TRDMT1: variants seen among roughly 807,000 people sequenced by gnomAD.
The protein encoded by TRDMT1 is tRNA aspartic acid methyltransferase 1.
Under a neutral mutation model 51.2 loss-of-function variants are expected in TRDMT1, and 49 were observed. That is an observed-to-expected ratio of 0.96 (90% confidence interval 0.76 to 1.21). The LOEUF (loss-of-function observed/expected upper bound fraction) is 1.21. Ranked by LOEUF, TRDMT1 falls within the 50% of genes most tolerant of loss-of-function variation. TRDMT1 has a pLI of 0.00. For synonymous variants in TRDMT1, 187 were observed against 164.6 expected, an observed-to-expected ratio of 1.14 and a Z score of -1.04; for missense variants, 534 against 462.3, an observed-to-expected ratio of 1.16 and a Z score of -1.42.
chr10:17,188,320 G>A (rs904887549), intron 1 of TRDMT1, among the ~76,000 whole-genome samples: 5 of 152,014 alleles, frequency 3.3e-5, no homozygotes, highest in African/African-American at 4.8e-5. Flanking sequence ...ACTACTGAAC[G>A]GGACAATGCT....
At chr10:17,172,209 A>G (rs972361652) in intron 2 of TRDMT1, among the ~76,000 whole-genome samples, 1 of 152,214 alleles carries the variant, frequency 6.6e-6, no homozygotes, top group Admixed American at 6.5e-5. Context: ...AAAATCTTAA[A>G]TGTAGACAAA....
intron 10 of TRDMT1, chr10:17,150,560 T>C: frequency 1.0e-6 from 1 of 985,338 alleles, no homozygotes; most frequent in Non-Finnish European, 1.2e-6. Flanking sequence ...TAATGTTAGT[T>C]ATAATGGCAG....
chr10:17,151,399 AC>A, intron 10 of TRDMT1: 1 of 981,698 alleles, frequency 1.0e-6, no homozygotes, highest in Non-Finnish European at 1.2e-6. Flanking sequence ...AATACACACC[AC>A]CAGTCACAGA....
intron 1 of TRDMT1, among the ~76,000 whole-genome samples, chr10:17,192,424 C>A (rs1458988850): frequency 6.6e-6 from 1 of 152,186 alleles, no homozygotes; most frequent in Non-Finnish European, 1.5e-5. Flanking sequence ...AAAGTTCGTC[C>A]AAATTATGAA....
rs893195984 is a variant in TRDMT1, at chr10:17,157,599, T to C, written c.729A>G (p.Gln243=). The change falls in exon 8 of 11, where the codon CAA becomes CAG. Residue 243 remains glutamine, a synonymous_variant. Transcript: ENST00000377799. The stretch of plus-strand genomic sequence containing the variant: ...TTTTCACAGAGAGATCACTATCTTG[T>C]TGATTTTTCCTGTGAATTTCTTCTG... The part of the protein sequence containing the change: ...ETAEEIHRKN[Q]QDSDLSVKML... The C allele has an allele frequency of 6.2e-7, 1 of 1,614,036 alleles. No individual in the cohort carries two copies. The highest frequency in any genetic ancestry group is 8.5e-7 in the Non-Finnish European group (1 of 1,179,938).
chr10:17,182,875 T>C (rs1004175864), intron 1 of TRDMT1, among the ~76,000 whole-genome samples: 15 of 152,302 alleles, frequency 9.8e-5, no homozygotes, highest in African/African-American at 3.1e-4. Context: ...GATAAACATA[T>C]AAAAGATGCC....
At position 17,141,874 on chromosome 10, in the gene TRDMT1, A is replaced by T. The variant is rs1404030010; in HGVS notation, c.*7166T>A. ...AATTAAATTTCTGAAAATAAAGTTAATGTAACAGACAAAATGTCCAGGATC... is the reference window on the plus strand; with the variant it reads ...AATTAAATTTCTGAAAATAAAGTTATTGTAACAGACAAAATGTCCAGGATC... On this transcript the variant is annotated 3_prime_UTR_variant, in exon 11 of 11. Transcript: ENST00000377799. Among the ~76,000 whole-genome samples the T allele has an allele frequency of 5.3e-5, 8 of 152,270 alleles. No homozygotes were observed. The highest frequency in any genetic ancestry group is 5.2e-4 in the Admixed American group (8 of 15,288).
chr10:17,152,384 TC>T (rs1194118013), intron 10 of TRDMT1, among the ~76,000 whole-genome samples: 2 of 152,300 alleles, frequency 1.3e-5, no homozygotes, highest in African/African-American at 4.8e-5. Flanking sequence ...GGCAGTTTGT[TC>T]CCTATGTACA....
At position 17,168,856 on chromosome 10, in the gene TRDMT1, C is replaced by T. The variant is rs1372356727; in HGVS notation, c.236G>A (p.Cys79Tyr). Reference protein sequence around the residue: ...SFDMILMSPPCQPFTRIGRQG... With the variant: ...SFDMILMSPPYQPFTRIGRQG... The stretch of plus-strand genomic sequence containing the variant: ...TGACACATACCTTGTGAATGGCTGG[C>T]AGGGAGGGCTCATTAAAATCATATC... Residue 79 changes from cysteine to tyrosine, a missense_variant, in exon 3 of 11, where the codon TGC becomes TAC. Coordinates refer to ENST00000377799, the MANE Select transcript of TRDMT1 (RefSeq NM_004412.7). The T allele has an allele frequency of 1.9e-6, 3 of 1,611,038 alleles. No homozygotes were observed. Among genetic ancestry groups the T allele is most frequent in the Admixed American group, 3.3e-5 (2 of 59,820 alleles).
In TRDMT1 at chr10:17,161,447, G is replaced by C. The variant is rs1269594195; in HGVS notation, c.389+36C>G. 5 of 1,328,548 alleles carry C rather than the reference G, an allele frequency of 3.8e-6. No individual in the cohort carries two copies. In the Admixed American group the frequency reaches 1.2e-4, roughly 32 times the overall value. 82.3% of individuals were successfully genotyped at this position (1,328,548 alleles called of 1,614,324 possible). A position where few individuals can be genotyped will look rare whatever the true frequency, so the allele number is the denominator to read the frequency against. On this transcript the variant is annotated intron_variant, in intron 5 of 10. Transcript: ENST00000377799. Reference sequence around the variant, plus strand: ...CAGTTCCTACTATAAGATATACCAAGTCTAAGATGTATGCAAGACAAATAC... The same window carrying C: ...CAGTTCCTACTATAAGATATACCAACTCTAAGATGTATGCAAGACAAATAC...
rs534553316 is a variant in TRDMT1, at chr10:17,193,745, TA to T, written c.64+7825del. 1.5e-3 allele frequency among the ~76,000 whole-genome samples: 225 copies of T among 152,276 alleles called. 1 individual carries two copies. Among genetic ancestry groups the T allele is most frequent in the African/African-American group, 5.2e-3 (217 of 41,568 alleles). ...AATGGTAGTACTGCCTGAAGCAATC[TA>T]CAGATTCAGTGCTATTCCTGTCAAA... On this transcript the variant is annotated intron_variant, in intron 1 of 10. Transcript: ENST00000377799.
At chr10:17,156,201 T>C (rs879723078) in intron 8 of TRDMT1, among the ~76,000 whole-genome samples, 10 of 152,002 alleles carry the variant, frequency 6.6e-5, no homozygotes, top group Admixed American at 2.0e-4. Flanking sequence ...TTGAGTAGCA[T>C]TCAGAAAGCA....
intron 1 of TRDMT1, among the ~76,000 whole-genome samples, chr10:17,186,808 C>T (rs749414529): frequency 7.2e-5 from 11 of 152,148 alleles, no homozygotes; most frequent in Non-Finnish European, 1.3e-4. Context: ...TTAATTCGAA[C>T]AAATACTGTA....
intron 1 of TRDMT1, among the ~76,000 whole-genome samples, chr10:17,189,285 GA>G (rs1303274248): frequency 6.6e-6 from 1 of 152,080 alleles, no homozygotes; most frequent in Non-Finnish European, 1.5e-5. Context: ...CAAGCGTTTT[GA>G]ATTTACAGTC....
intron 10 of TRDMT1, among the ~76,000 whole-genome samples, chr10:17,149,792 G>A (rs530626756): frequency 6.6e-6 from 1 of 152,208 alleles, no homozygotes; most frequent in Non-Finnish European, 1.5e-5. Context: ...ATTCATTCAT[G>A]TCATAGCATG....
intron 1 of TRDMT1, among the ~76,000 whole-genome samples, chr10:17,191,857 C>G (rs1844731618): frequency 6.6e-6 from 1 of 152,196 alleles, no homozygotes; most frequent in South Asian, 2.1e-4. Context: ...GTTTTGTGAT[C>G]TGACTCCTCA....
Position 17,163,166 on chromosome 10 carries a change from G to A in TRDMT1, c.252-929C>T, listed in dbSNP as rs1840662369. ...AAGCAGGAGGTGCAACTTGGTTAGA[G>A]TAACCAGGGTCAAAACAAGTCATGT... On this transcript the variant is annotated intron_variant, in intron 3 of 10. Coordinates refer to ENST00000377799, the MANE Select transcript of TRDMT1 (RefSeq NM_004412.7). Among the ~76,000 whole-genome samples, 7 of 152,314 alleles carry A rather than the reference G, an allele frequency of 4.6e-5. No individual in the cohort carries two copies. In the South Asian group the frequency reaches 1.4e-3, roughly 32 times the overall value.
At chr10:17,190,834 T>C (rs1844596153) in intron 1 of TRDMT1, among the ~76,000 whole-genome samples, 1 of 152,220 alleles carries the variant, frequency 6.6e-6, no homozygotes, top group African/African-American at 2.4e-5. Context: ...TATCCTATCA[T>C]GGAGCCTACA....
chr10:17,171,111 A>ATGTGTGTGTG lies in TRDMT1; in HGVS notation c.175-2204_175-2195dup, dbSNP rs66891484. ...CCATTTGGTATGTTACTGGATTTAG[A>ATGTGTGTGTG]TGTGTGTGTGTGTGTGTGTGTGTGT... On this transcript the variant is annotated intron_variant, in intron 2 of 10. Transcript: ENST00000377799. Among the ~76,000 whole-genome samples, 382 of 142,926 alleles carry ATGTGTGTGTG rather than the reference A, an allele frequency of 2.7e-3. 1 individual carries two copies. Among genetic ancestry groups the ATGTGTGTGTG allele is most frequent in the African/African-American group, 4.7e-3 (180 of 38,296 alleles). The allele number at this position is 142,926 out of a possible 152,430, so 93.8% of individuals were successfully genotyped here.
Sources: gnomAD v4.1 joint callset for allele counts (sites outside exome capture counted in the v4.1 genomes callset) on GRCh38, gnomAD v4.1.1 for gene constraint, MANE v1.5 for transcripts, NCBI Gene and HGNC (gene_info 2026-07-23, HGNC 2026-07-21) for gene names.